Variants in LRRC37A2 observed in about 807,000 individuals in gnomAD.
LRRC37A2 encodes leucine-rich repeat-containing protein 37A2.
LRRC37A2 carries 9 observed loss-of-function variants against 68.8 expected under a neutral mutation model. That is an observed-to-expected ratio of 0.13 (90% CI 0.08 to 0.23). LRRC37A2 has a LOEUF of 0.23. LRRC37A2 is among the 10% of genes least tolerant of loss of function. The pLI is 1.00. For missense variants in LRRC37A2, 168 were observed against 950.4 expected (o/e 0.18, Z 10.82); for synonymous variants, 63 against 367.6 (o/e 0.17, Z 9.48).
the LRRC37A2 span, among the ~76,000 whole-genome samples, chr17:46,493,599 G>A: frequency 3.8e-4 from 55 of 145,862 alleles, 1 homozygote; most frequent in South Asian, 5.5e-3. Flanking sequence ...GTGCAGTGGC[G>A]CGATCTTGAC....
the LRRC37A2 span, among the ~76,000 whole-genome samples, chr17:47,016,949 C>T: frequency 9.2e-6 from 1 of 108,914 alleles, no homozygotes; most frequent in African/African-American, 3.0e-5. Context: ...CCCTACCCCA[C>T]CCTACCCCAC....
At chr17:47,019,568 T>C in the LRRC37A2 span, 1 of 1,475,818 alleles carries the variant, frequency 6.8e-7, no homozygotes, top group Non-Finnish European at 9.5e-7. Flanking sequence ...AAGTCACAGG[T>C]CCACCTACTG....
intron 6 of LRRC37A2, among the ~76,000 whole-genome samples, chr17:46,539,248 C>T (rs2054820138): frequency 9.9e-6 from 1 of 101,206 alleles, no homozygotes; most frequent in Non-Finnish European, 2.2e-5. Context: ...GGTCTCTGCC[C>T]TCAAAGCGCT....
At chr17:46,836,528 T>A in the LRRC37A2 span, among the ~76,000 whole-genome samples, 1 of 152,228 alleles carries the variant, frequency 6.6e-6, no homozygotes, top group African/African-American at 2.4e-5. Context: ...TAAATGTCGA[T>A]GATTAGAAAC....
At chr17:47,000,053 TA>T in the LRRC37A2 span, among the ~76,000 whole-genome samples, 580 of 30,086 alleles carry the variant, frequency 0.019, 89 homozygotes, top group Admixed American at 0.031. Context: ...TAAAATAAAA[TA>T]AAATAAAATT....
the LRRC37A2 span, among the ~76,000 whole-genome samples, chr17:46,808,745 G>A: frequency 9.1e-3 from 1,379 of 152,180 alleles, 20 homozygotes; most frequent in African/African-American, 0.031. Context: ...GTGAACTGGT[G>A]AACATGGAGG....
At chr17:46,798,711 G>C in the LRRC37A2 span, among the ~76,000 whole-genome samples, 1 of 152,098 alleles carries the variant, frequency 6.6e-6, no homozygotes, top group Non-Finnish European at 1.5e-5. Flanking sequence ...CCATTAACTA[G>C]GGTGATATTA....
At chr17:46,936,691 C>T in the LRRC37A2 span, 1 of 984,852 alleles carries the variant, frequency 1.0e-6, no homozygotes, top group Non-Finnish European at 1.2e-6. Context: ...GAAGGTTGAT[C>T]CTTAGCCTCA....
intron 6 of LRRC37A2, among the ~76,000 whole-genome samples, chr17:46,533,259 T>G (rs895511461): frequency 1.0e-5 from 1 of 96,052 alleles, no homozygotes; most frequent in Admixed American, 1.1e-4. Context: ...CTCTAAAAAT[T>G]TTTTTTAGTT....
chr17:47,029,667 G>C, the LRRC37A2 span, among the ~76,000 whole-genome samples: 1 of 152,164 alleles, frequency 6.6e-6, no homozygotes, highest in Non-Finnish European at 1.5e-5. Flanking sequence ...CCTCACACCA[G>C]AGAACAGGCT....
At chr17:46,976,516 C>T in the LRRC37A2 span, among the ~76,000 whole-genome samples, 10 of 152,092 alleles carry the variant, frequency 6.6e-5, no homozygotes, top group Non-Finnish European at 1.3e-4. Flanking sequence ...CACTGCACTC[C>T]AGCCTGGGCG....
the LRRC37A2 span, among the ~76,000 whole-genome samples, chr17:46,911,969 C>T: frequency 6.6e-6 from 1 of 152,156 alleles, no homozygotes; most frequent in Non-Finnish European, 1.5e-5. Flanking sequence ...TTAGTGAGAG[C>T]CCAGAGTGAC....
At chr17:46,989,327 T>A in the LRRC37A2 span, among the ~76,000 whole-genome samples, 1 of 152,162 alleles carries the variant, frequency 6.6e-6, no homozygotes, top group Non-Finnish European at 1.5e-5. Flanking sequence ...ACAAGGCAGG[T>A]TGGCTCTGGC....
At chr17:46,863,123 G>C in the LRRC37A2 span, among the ~76,000 whole-genome samples, 3 of 152,112 alleles carry the variant, frequency 2.0e-5, no homozygotes, top group African/African-American at 7.2e-5. Context: ...GGAGGGCGTG[G>C]CACAGGCAGC....
the LRRC37A2 span, among the ~76,000 whole-genome samples, chr17:46,786,968 C>T: frequency 6.7e-6 from 1 of 149,376 alleles, no homozygotes; most frequent in East Asian, 1.9e-4. Flanking sequence ...GACAGGGTCT[C>T]ACTCTGTCAC....
chr17:47,012,481 T>C, the LRRC37A2 span, among the ~76,000 whole-genome samples: 1 of 151,610 alleles, frequency 6.6e-6, no homozygotes. Flanking sequence ...CTGCCATATA[T>C]CTGCTGCTGG....
the LRRC37A2 span, among the ~76,000 whole-genome samples, chr17:46,967,875 C>A: frequency 6.6e-6 from 1 of 152,072 alleles, no homozygotes; most frequent in Non-Finnish European, 1.5e-5. Flanking sequence ...ACAGCCCAGG[C>A]AAAAATGTCA....
At chr17:46,530,004 TAAC>T (rs1484687412) in intron 6 of LRRC37A2, among the ~76,000 whole-genome samples, 10 of 144,772 alleles carry the variant, frequency 6.9e-5, no homozygotes, top group African/African-American at 1.3e-4. Flanking sequence ...GGAGGAAAGA[TAAC>T]AAACTTTGCC....
the LRRC37A2 span, among the ~76,000 whole-genome samples, chr17:46,993,249 T>A: frequency 6.6e-6 from 1 of 152,324 alleles, no homozygotes; most frequent in Middle Eastern, 3.4e-3. Context: ...AGGTCACTCA[T>A]GTGTGCAGCA....
Sources: allele counts gnomAD v4.1 joint callset (sites outside exome capture counted in the v4.1 genomes callset), GRCh38; gene constraint gnomAD v4.1.1; transcripts MANE v1.5; gene names NCBI Gene and HGNC (gene_info 2026-07-23, HGNC 2026-07-21).